The following NRG3 variants were observed in gnomAD, a reference collection of about 807,000 sequenced individuals.
NRG3 encodes the protein neuregulin 3.
A neutral mutation model predicts 66.9 loss-of-function variants in NRG3; 31 were observed. That is an observed-to-expected ratio of 0.46 (90% CI 0.35 to 0.63). The LOEUF is 0.63. Ranked by LOEUF, NRG3 falls within the 20% of genes least tolerant of loss-of-function variation. The pLI is 0.00. For synonymous variants in NRG3, 393 were observed against 359.4 expected (o/e 1.09, Z -1.06); for missense variants, 910 against 878.9 (o/e 1.04, Z -0.45).
intron 1 of NRG3, among the ~76,000 whole-genome samples, chr10:82,034,631 C>T (rs2062714267): frequency 6.6e-6 from 1 of 152,072 alleles, no homozygotes. Context: ...CTGGGGAATG[C>T]ATTCATTCCC....
chr10:82,744,067 G>C (rs2058542185), intron 3 of NRG3, among the ~76,000 whole-genome samples: 1 of 152,102 alleles, frequency 6.6e-6, no homozygotes, highest in Admixed American at 6.6e-5. Flanking sequence ...TGGGCATCCA[G>C]CTTAAAGAAA....
At chr10:82,710,256 G>C (rs1436427376) in intron 2 of NRG3, among the ~76,000 whole-genome samples, 1 of 152,162 alleles carries the variant, frequency 6.6e-6, no homozygotes, top group Non-Finnish European at 1.5e-5. Context: ...TTGTTGCAGT[G>C]TTTAATCACT....
At chr10:82,628,738 C>A (rs1292081653) in intron 2 of NRG3, among the ~76,000 whole-genome samples, 1 of 152,154 alleles carries the variant, frequency 6.6e-6, no homozygotes, top group African/African-American at 2.4e-5. Flanking sequence ...TCTGTCATTT[C>A]AGGAACAGTT....
At chr10:82,653,948 G>A (rs1300637066) in intron 2 of NRG3, among the ~76,000 whole-genome samples, 3 of 152,172 alleles carry the variant, frequency 2.0e-5, no homozygotes, top group South Asian at 2.1e-4. Context: ...CAGAGATTAC[G>A]TACTACTGCG....
At chr10:82,044,208 G>C (rs1041527615) in intron 1 of NRG3, among the ~76,000 whole-genome samples, 1 of 151,942 alleles carries the variant, frequency 6.6e-6, no homozygotes. Flanking sequence ...ACTTTATGAA[G>C]TTTTGCTTTA....
At chr10:81,972,585 T>C (rs907920768) in intron 1 of NRG3, among the ~76,000 whole-genome samples, 3 of 152,096 alleles carry the variant, frequency 2.0e-5, no homozygotes, top group Non-Finnish European at 4.4e-5. Flanking sequence ...AATAATTATT[T>C]AAAATAAAGT....
In NRG3 at chr10:82,603,664, T is replaced by G. The variant is rs144270300; in HGVS notation, c.954-134913T>G. 2.7e-3 allele frequency among the ~76,000 whole-genome samples: 408 copies of G among 152,262 alleles called. 1 individual carries two copies. Among genetic ancestry groups the G allele is most frequent in the African/African-American group, 9.4e-3 (391 of 41,564 alleles). ...GAAAAAGTTGATGCTATAATAAATTTATTTCTGAAAAAAAAAGTCTCAGGT... is the reference window on the plus strand; with the variant it reads ...GAAAAAGTTGATGCTATAATAAATTGATTTCTGAAAAAAAAAGTCTCAGGT... On this transcript the variant is annotated intron_variant, in intron 2 of 8. Coordinates refer to ENST00000372141, the MANE Select transcript of NRG3 (RefSeq NM_001010848.4).
chr10:81,909,860 G>C (rs1412867373), intron 1 of NRG3, among the ~76,000 whole-genome samples: 2 of 152,184 alleles, frequency 1.3e-5, no homozygotes, highest in African/African-American at 4.8e-5. Flanking sequence ...TATGCGTGAT[G>C]CTTTTGTAGT....
intron 1 of NRG3, among the ~76,000 whole-genome samples, chr10:82,284,789 G>A (rs925581946): frequency 3.3e-5 from 5 of 151,888 alleles, no homozygotes; most frequent in African/African-American, 9.7e-5. Flanking sequence ...TTTTGTAAGC[G>A]CATCACATGT....
intron 2 of NRG3, among the ~76,000 whole-genome samples, chr10:82,591,869 A>G (rs1263108323): frequency 6.6e-6 from 1 of 152,198 alleles, no homozygotes; most frequent in Non-Finnish European, 1.5e-5. Flanking sequence ...TCTATCTTAC[A>G]GGGCCTGGGG....
intron 1 of NRG3, among the ~76,000 whole-genome samples, chr10:81,959,454 T>C (rs556009138): frequency 3.0e-4 from 45 of 152,300 alleles, no homozygotes; most frequent in African/African-American, 1.0e-3. Context: ...ATATATGAGA[T>C]TCTCTTCAGA....
intron 1 of NRG3, among the ~76,000 whole-genome samples, chr10:82,080,602 G>A (rs1279138503): frequency 1.3e-5 from 2 of 152,044 alleles, no homozygotes; most frequent in Non-Finnish European, 2.9e-5. Context: ...TCTGAGCTAA[G>A]TGAGTAACTA....
At chr10:82,649,142 G>A (rs1293813150) in intron 2 of NRG3, among the ~76,000 whole-genome samples, 3 of 152,096 alleles carry the variant, frequency 2.0e-5, no homozygotes, top group African/African-American at 7.2e-5. Flanking sequence ...GGCAGGTGAA[G>A]GAAATAAAGG....
At chr10:82,786,640 G>A (rs1361619126) in intron 3 of NRG3, among the ~76,000 whole-genome samples, 1 of 152,162 alleles carries the variant, frequency 6.6e-6, no homozygotes, top group Non-Finnish European at 1.5e-5. Flanking sequence ...GCTGGAACCA[G>A]TTAAGACTAG....
At chr10:82,336,535 T>C (rs956444724) in intron 1 of NRG3, among the ~76,000 whole-genome samples, 7 of 151,782 alleles carry the variant, frequency 4.6e-5, no homozygotes, top group African/African-American at 1.4e-4. Context: ...TTTTCTTTTT[T>C]TTTTTTTTTT....
rs931652821 is a variant in NRG3, at chr10:81,875,260, C to G, written c.-81C>G. 10 of 928,112 alleles carry G rather than the reference C, an allele frequency of 1.1e-5. No individual in the cohort carries two copies. The highest frequency in any genetic ancestry group is 1.8e-5 in the African/African-American group (1 of 55,452). The allele number at this position is 928,112 out of a possible 1,614,324, so 57.5% of individuals were successfully genotyped here. A position where few individuals can be genotyped will look rare whatever the true frequency, so the allele number is the denominator to read the frequency against. ...CCCGCCGCCGCCGCCGGAGCCCGCG[C>G]CCGCGCCCGCGCCCGGCCCGCGCGG... On this transcript the variant is annotated 5_prime_UTR_variant, in exon 1 of 9. Coordinates refer to ENST00000372141, the MANE Select transcript of NRG3 (RefSeq NM_001010848.4). The surrounding 1 kb of genome is among the most constrained non-coding windows in gnomAD (Gnocchi z 5.3).
intron 4 of NRG3, among the ~76,000 whole-genome samples, chr10:82,909,830 G>A (rs919273357): frequency 6.6e-6 from 1 of 152,194 alleles, no homozygotes; most frequent in Admixed American, 6.5e-5. Context: ...AACACAGAAA[G>A]TCAAGCTGTT....
At chr10:82,586,887 G>T (rs986992908) in intron 2 of NRG3, among the ~76,000 whole-genome samples, 5 of 152,060 alleles carry the variant, frequency 3.3e-5, no homozygotes, top group Non-Finnish European at 4.4e-5. Flanking sequence ...AGAGGAAATG[G>T]ATTGGATAAT....
At chr10:82,583,558 T>C (rs2046488484) in intron 2 of NRG3, among the ~76,000 whole-genome samples, 1 of 152,220 alleles carries the variant, frequency 6.6e-6, no homozygotes, top group Admixed American at 6.5e-5. Flanking sequence ...TGTCTTCTAG[T>C]TTAGCTTTAA....
Sources: gnomAD v4.1 joint callset for allele counts (sites outside exome capture counted in the v4.1 genomes callset) on GRCh38, gnomAD v4.1.1 for gene constraint, Gnocchi (gnomAD v3.1) non-coding constraint, MANE v1.5 for transcripts, NCBI Gene and HGNC (gene_info 2026-07-23, HGNC 2026-07-21) for gene names.